Variants in EVA1C observed in about 807,000 individuals in gnomAD.
The protein encoded by EVA1C is protein eva-1 homolog C.
EVA1C carries 25 observed loss-of-function variants against 45.4 expected under a neutral mutation model. The ratio of observed to expected loss-of-function variants is 0.55; its 90% CI spans 0.40 to 0.77. The LOEUF (loss-of-function observed/expected upper bound fraction) is 0.77, where lower values mean the gene tolerates loss of function less well. EVA1C is among the 30% of genes least tolerant of loss of function. EVA1C has a pLI of 0.00. For missense variants in EVA1C, 479 were observed against 554.8 expected (o/e 0.86, Z 1.37); for synonymous variants, 190 against 221.2 (o/e 0.86, Z 1.25).
chr21:32,430,913 C>A (rs1376008559), intron 1 of EVA1C, among the ~76,000 whole-genome samples: 2 of 144,000 alleles, frequency 1.4e-5, no homozygotes, highest in African/African-American at 5.3e-5. Context: ...GCGGAGGTTG[C>A]AGTGAGCTGA....
At chr21:32,418,073 A>G (rs1447236017) in intron 1 of EVA1C, among the ~76,000 whole-genome samples, 1 of 152,038 alleles carries the variant, frequency 6.6e-6, no homozygotes, top group African/African-American at 2.4e-5. Flanking sequence ...CCAGGACTGT[A>G]TTTCCCCAGC....
chr21:32,508,728 G>A (rs1166046498), intron 7 of EVA1C, among the ~76,000 whole-genome samples: 1 of 152,152 alleles, frequency 6.6e-6, no homozygotes, highest in Non-Finnish European at 1.5e-5. Context: ...ACAGCAATAG[G>A]GCCCCAACAG....
intron 2 of EVA1C, 135 bp from the exon 3 acceptor site, chr21:32,457,462 C>G (rs2035827842): frequency 1.0e-6 from 1 of 958,592 alleles, no homozygotes; most frequent in Non-Finnish European, 1.6e-6. Flanking sequence ...CGTCTATGCT[C>G]TTTGGCCTTA....
chr21:32,461,895 C>T (rs1287816087), intron 3 of EVA1C, among the ~76,000 whole-genome samples: 4 of 152,094 alleles, frequency 2.6e-5, no homozygotes, highest in African/African-American at 9.7e-5. Flanking sequence ...TGCTGCATAT[C>T]GTATCTGCTG....
intron 1 of EVA1C, among the ~76,000 whole-genome samples, chr21:32,428,173 G>A (rs2146143630): frequency 6.6e-6 from 1 of 152,300 alleles, no homozygotes; most frequent in African/African-American, 2.4e-5. Context: ...CCAGCGTGGA[G>A]GCGACTTTCT....
intron 4 of EVA1C, among the ~76,000 whole-genome samples, chr21:32,469,610 T>C (rs2036299859): frequency 6.6e-6 from 1 of 152,070 alleles, no homozygotes; most frequent in Non-Finnish European, 1.5e-5. Flanking sequence ...TTTAAAGAAT[T>C]AGTTCACAGG....
intron 1 of EVA1C, among the ~76,000 whole-genome samples, chr21:32,427,401 G>T (rs13047836): frequency 6.6e-6 from 1 of 152,052 alleles, no homozygotes; most frequent in Non-Finnish European, 1.5e-5. Context: ...AGTATTTACC[G>T]CTGGGTATAG....
chr21:32,513,970 A>AT (rs1009149497), intron 7 of EVA1C, among the ~76,000 whole-genome samples: 32 of 152,268 alleles, frequency 2.1e-4, no homozygotes, highest in African/African-American at 7.5e-4. Flanking sequence ...ATGTACAGAC[A>AT]TTTTTTCTCC....
chr21:32,420,769 A>T (rs2034238437), intron 1 of EVA1C, among the ~76,000 whole-genome samples: 3 of 152,192 alleles, frequency 2.0e-5, no homozygotes, highest in Non-Finnish European at 4.4e-5. Context: ...AACTCATTTA[A>T]TCCTCCCAGT....
intron 3 of EVA1C, among the ~76,000 whole-genome samples, chr21:32,467,054 T>C (rs1008638911): frequency 6.6e-6 from 1 of 152,108 alleles, no homozygotes; most frequent in African/African-American, 2.4e-5. Context: ...GGCAAGAGGA[T>C]TGCTTGAGCC....
chr21:32,412,844 G>A lies in EVA1C; in HGVS notation c.-10G>A. On this transcript the variant is annotated 5_prime_UTR_variant, in exon 1 of 8. Coordinates refer to ENST00000300255, the MANE Select transcript of EVA1C (RefSeq NM_058187.5). ...CGGGCCTGCGCCTCCGCCCCGCCGCGCAGCGCACGATGCTTCTGCCGGGAC... is the reference window on the plus strand; with the variant it reads ...CGGGCCTGCGCCTCCGCCCCGCCGCACAGCGCACGATGCTTCTGCCGGGAC... 7.0e-7 allele frequency: 1 copy of A among 1,437,454 alleles called. No individual in the cohort carries two copies. The highest frequency in any genetic ancestry group is 9.1e-7 in the Non-Finnish European group (1 of 1,102,542). The allele number at this position is 1,437,454 out of a possible 1,614,324, so 89.0% of individuals were successfully genotyped here.
At chr21:32,493,546 A>AC (rs2037237033) in intron 4 of EVA1C, 2 of 151,740 alleles carry the variant, frequency 1.3e-5, no homozygotes, top group Admixed American at 1.3e-4. Flanking sequence ...GCCTGCCTCT[A>AC]CCCAATTTCT....
Position 32,467,854 on chromosome 21 carries a change from T to C in EVA1C, c.634+6T>C. ...AGAGCGGCTCCCCCCTTTCGGTATG[T>C]GCTTTTGTGTGTGTATTAGCCAGGG... On this transcript the variant is annotated splice_donor_region_variant and intron_variant, in intron 4 of 7. Coordinates refer to ENST00000300255, the MANE Select transcript of EVA1C (RefSeq NM_058187.5). 1.9e-6 allele frequency: 3 copies of C among 1,599,868 alleles called. No individual in the cohort carries two copies. Among genetic ancestry groups the C allele is most frequent in the Non-Finnish European group, 2.6e-6 (3 of 1,174,852 alleles).
chr21:32,423,515 G>T (rs753986577), intron 1 of EVA1C, among the ~76,000 whole-genome samples: 1 of 152,046 alleles, frequency 6.6e-6, no homozygotes, highest in Admixed American at 6.6e-5. Context: ...ATGAGCAATC[G>T]ATTTGGCAGG....
chr21:32,457,876 GAGAGAAAGAAAGAC>G (rs1040049313), intron 3 of EVA1C, among the ~76,000 whole-genome samples, 156 bp downstream of exon 3: 11 of 152,216 alleles, frequency 7.2e-5, no homozygotes, highest in African/African-American at 2.4e-4. Context: ...TAGAGACAGA[GAGAGAAAGAAAGAC>G]AGAGAAAGAA....
intron 1 of EVA1C, among the ~76,000 whole-genome samples, chr21:32,444,748 C>T (rs2035306262): frequency 6.6e-6 from 1 of 150,550 alleles, no homozygotes; most frequent in Admixed American, 6.7e-5. Context: ...TTAATCTTGC[C>T]TTGGTCTTTC....
intron 1 of EVA1C, among the ~76,000 whole-genome samples, chr21:32,447,306 T>A (rs1480650389): frequency 6.7e-6 from 1 of 149,432 alleles, no homozygotes; most frequent in Non-Finnish European, 1.5e-5. Context: ...GAGGTGGAGG[T>A]TGCAGTCAAC....
At chr21:32,454,904 T>C (rs1405354114) in intron 2 of EVA1C, among the ~76,000 whole-genome samples, 1 of 152,154 alleles carries the variant, frequency 6.6e-6, no homozygotes, top group East Asian at 1.9e-4. Flanking sequence ...AACACACCAA[T>C]TGAGTAGCCA....
At chr21:32,513,007 T>C (rs866923425) in intron 7 of EVA1C, among the ~76,000 whole-genome samples, 22 of 151,568 alleles carry the variant, frequency 1.5e-4, no homozygotes, top group Middle Eastern at 6.9e-3. Flanking sequence ...TACAATAATA[T>C]AGTAAGTATT....
Sources: allele counts gnomAD v4.1 joint callset (sites outside exome capture counted in the v4.1 genomes callset), GRCh38; gene constraint gnomAD v4.1.1; transcripts MANE v1.5; gene names NCBI Gene and HGNC (gene_info 2026-07-23, HGNC 2026-07-21).